SPAST: variants seen among roughly 807,000 people sequenced by gnomAD.
The protein encoded by SPAST is spastic paraplegia 4 (autosomal dominant; spastin).
SPAST carries 30 observed loss-of-function variants against 76.6 expected under a neutral mutation model. That is an observed-to-expected ratio of 0.39 (90% CI 0.29 to 0.53). The LOEUF (loss-of-function observed/expected upper bound fraction) is 0.53. SPAST is among the 20% of genes least tolerant of loss of function. SPAST has a pLI of 0.68. For missense variants in SPAST, 717 were observed against 770.5 expected (o/e 0.93, Z 0.82); for synonymous variants, 305 against 281.0 (o/e 1.09, Z -0.86).
At chr2:32,153,151 T>C (rs771562857) in intron 16 of SPAST, among the ~76,000 whole-genome samples, 2 of 152,106 alleles carry the variant, frequency 1.3e-5, no homozygotes, top group Non-Finnish European at 2.9e-5. Context: ...AAAGATGATA[T>C]GAAGTTAGAT....
At chr2:32,099,884 A>G (rs1050043604) in intron 4 of SPAST, among the ~76,000 whole-genome samples, 1 of 152,068 alleles carries the variant, frequency 6.6e-6, no homozygotes, top group Non-Finnish European at 1.5e-5. Flanking sequence ...GTGTGTATAT[A>G]TACCACATTT....
intron 7 of SPAST, among the ~76,000 whole-genome samples, chr2:32,126,023 C>T (rs1402941775): frequency 1.3e-5 from 2 of 151,978 alleles, no homozygotes; most frequent in African/African-American, 4.8e-5. Context: ...TCTCGATCTC[C>T]TGACCTCGTG....
intron 7 of SPAST, among the ~76,000 whole-genome samples, chr2:32,121,437 A>G (rs1679015280): frequency 6.6e-6 from 1 of 151,776 alleles, no homozygotes; most frequent in African/African-American, 2.4e-5. Flanking sequence ...CACTGCGCCC[A>G]GCCCCTCTTG....
intron 5 of SPAST, among the ~76,000 whole-genome samples, chr2:32,115,077 T>C (rs1016524890): frequency 3.3e-5 from 5 of 151,476 alleles, no homozygotes; most frequent in Non-Finnish European, 7.4e-5. Context: ...GCCTCCCAAG[T>C]AGCTGGGATT....
chr2:32,155,727 C>T lies in SPAST; in HGVS notation c.*1231C>T, dbSNP rs886055974. 77 of 151,326 alleles carry T rather than the reference C, an allele frequency of 5.1e-4. No homozygotes were observed. The highest frequency in any genetic ancestry group is 1.8e-3 in the African/African-American group (73 of 40,276). 9.4% of individuals were successfully genotyped at this position (151,326 alleles called of 1,614,324 possible). The stretch of plus-strand genomic sequence containing the variant: ...CATTGTAGGGAGTAGAGACTCATAT[C>T]ATGGCCTTTTAAATATTGTAATAAA... On this transcript the variant is annotated 3_prime_UTR_variant, in exon 17 of 17. Coordinates refer to ENST00000315285, the MANE Select transcript of SPAST (RefSeq NM_014946.4).
At chr2:32,118,469 C>T (rs1343032394) in intron 7 of SPAST, among the ~76,000 whole-genome samples, 1 of 152,016 alleles carries the variant, frequency 6.6e-6, no homozygotes, top group Non-Finnish European at 1.5e-5. Flanking sequence ...TGTCATGTAC[C>T]ACCTCAGGTC....
intron 1 of SPAST, among the ~76,000 whole-genome samples, chr2:32,076,605 C>A (rs1179668856): frequency 6.6e-6 from 1 of 152,042 alleles, no homozygotes; most frequent in African/African-American, 2.4e-5. Flanking sequence ...AGTAATTCAT[C>A]CCTGAATTAA....
intron 16 of SPAST, among the ~76,000 whole-genome samples, chr2:32,153,813 A>C (rs915426817): frequency 9.9e-5 from 15 of 152,244 alleles, no homozygotes; most frequent in African/African-American, 3.6e-4. Context: ...AAAGTGGCTC[A>C]CGTCTGTAAT....
intron 4 of SPAST, among the ~76,000 whole-genome samples, chr2:32,110,882 T>C (rs1678563931): frequency 1.9e-5 from 2 of 104,690 alleles, no homozygotes; most frequent in East Asian, 7.0e-4. Flanking sequence ...CTATATCGTG[T>C]GTATAGAGTA....
chr2:32,134,712 T>G (rs1247423868), intron 9 of SPAST, among the ~76,000 whole-genome samples: 1 of 152,202 alleles, frequency 6.6e-6, no homozygotes, highest in East Asian at 1.9e-4. Context: ...TTTATTTTTT[T>G]GGGACAAGGT....
intron 4 of SPAST, among the ~76,000 whole-genome samples, chr2:32,109,936 A>G (rs989436332): frequency 8.1e-5 from 12 of 148,574 alleles, no homozygotes; most frequent in Non-Finnish European, 1.5e-4. Flanking sequence ...ATATGCATAT[A>G]CATATATAGT....
chr2:32,074,187 C>A (rs895084517), intron 1 of SPAST, among the ~76,000 whole-genome samples: 1 of 152,150 alleles, frequency 6.6e-6, no homozygotes, highest in African/African-American at 2.4e-5. Context: ...GCGAATAATT[C>A]TATGAATAAA....
chr2:32,083,776 A>ATTTTTTTTT (rs1178658126), intron 1 of SPAST, among the ~76,000 whole-genome samples: 1 of 46,086 alleles, frequency 2.2e-5, no homozygotes, highest in African/African-American at 8.9e-5. Context: ...ATATATATAT[A>ATTTTTTTTT]TTTTTTTTTT....
chr2:32,076,537 T>A lies in SPAST; in HGVS notation c.416-10955T>A, dbSNP rs1315478412. On this transcript the variant is annotated intron_variant, in intron 1 of 16. Transcript: ENST00000315285. ...ACACTGGGTCTTTTTTACCAAATTA[T>A]AGTAGAAAGCACTTTTTCTCTAATG... Among the ~76,000 whole-genome samples the A allele has an allele frequency of 5.3e-5, 8 of 152,206 alleles. No individual in the cohort carries two copies. In the East Asian group the frequency reaches 1.5e-3, roughly 29 times the overall value.
chr2:32,143,252 A>C (rs1679780314), intron 13 of SPAST, 84 bp from the exon 14 acceptor site: 2 of 833,474 alleles, frequency 2.4e-6, no homozygotes, highest in Non-Finnish European at 4.0e-6. Context: ...GGGTAACAGC[A>C]CAAGACCCTG....
chr2:32,080,210 C>T (rs887986334), intron 1 of SPAST, among the ~76,000 whole-genome samples: 4 of 151,792 alleles, frequency 2.6e-5, no homozygotes, highest in Non-Finnish European at 5.9e-5. Context: ...ACTTATGTAC[C>T]ATTTGTGTAT....
chr2:32,115,654 T>C (rs771321326), intron 5 of SPAST, 48 bp from the exon 6 acceptor site: 2 of 1,403,660 alleles, frequency 1.4e-6, no homozygotes, highest in Non-Finnish European at 2.0e-6. Flanking sequence ...TTATGAAAAG[T>C]GTAAATGTTA....
At chr2:32,137,416 G>A (rs998960462) in intron 12 of SPAST, among the ~76,000 whole-genome samples, 25 of 152,290 alleles carry the variant, frequency 1.6e-4, no homozygotes, top group African/African-American at 6.0e-4. Context: ...AGGCAAATTG[G>A]TCAGTTCTTC....
At chr2:32,118,494 G>A (rs771540560) in intron 7 of SPAST, among the ~76,000 whole-genome samples, 4 of 152,122 alleles carry the variant, frequency 2.6e-5, no homozygotes, top group African/African-American at 9.7e-5. Flanking sequence ...TTTGGGAAAC[G>A]TAGCTTACGT....
Sources: gnomAD v4.1 joint callset for allele counts (sites outside exome capture counted in the v4.1 genomes callset) on GRCh38, gnomAD v4.1.1 for gene constraint, MANE v1.5 for transcripts, NCBI Gene and HGNC (gene_info 2026-07-23, HGNC 2026-07-21) for gene names.